The following JADE3 variants were observed in gnomAD, a reference collection of about 807,000 sequenced individuals.
JADE3 encodes the protein jade family PHD finger 3.
JADE3 carries 2 observed loss-of-function variants against 50.1 expected under a neutral mutation model. The observed-to-expected ratio is 0.04, with a 90% CI of 0.02 to 0.13. The LOEUF is 0.13. Among genes scored for constraint, JADE3 ranks in the 10% least tolerant of loss-of-function variants. The pLI, the probability that JADE3 is intolerant of heterozygous loss-of-function variation, is 1.00. For missense variants in JADE3, 475 were observed against 634.4 expected (o/e 0.75, Z 2.70); for synonymous variants, 218 against 232.9 (o/e 0.94, Z 0.58).
chrX:46,923,389 CTCTCTTTTTT>C (rs1386110444), intron 1 of JADE3, among the ~76,000 whole-genome samples: 6 of 24,188 alleles, frequency 2.5e-4, no homozygotes, highest in African/African-American at 4.8e-4. Context: ...CTCTCTCTCT[CTCTCTTTTTT>C]TTTTTTTTTT....
intron 3 of JADE3, among the ~76,000 whole-genome samples, chrX:46,997,415 G>A (rs782742961): frequency 6.3e-5 from 7 of 111,840 alleles, no homozygotes; most frequent in Non-Finnish European, 1.1e-4. Context: ...CTACTCAGGA[G>A]GCTGAGGTGG....
intron 1 of JADE3, among the ~76,000 whole-genome samples, chrX:46,940,752 C>G (rs782712288): frequency 2.7e-5 from 3 of 110,730 alleles, no homozygotes; most frequent in African/African-American, 9.8e-5. Context: ...GCCTGTTGTT[C>G]CCAACCTCTT....
chrX:46,944,886 C>T (rs1184718251), intron 1 of JADE3, among the ~76,000 whole-genome samples: 1 of 110,254 alleles, frequency 9.1e-6, no homozygotes, highest in Non-Finnish European at 1.9e-5. Flanking sequence ...CTCTGTCAGC[C>T]AGGTTGGAGT....
intron 5 of JADE3, 65 bp downstream of exon 5, chrX:47,024,979 C>A (rs1928878289): frequency 3.6e-6 from 2 of 556,092 alleles, no homozygotes; most frequent in South Asian, 5.0e-5. Context: ...TTATCAGAAC[C>A]CTTTAGCTTG....
At chrX:46,928,607 A>G (rs932141620) in intron 1 of JADE3, among the ~76,000 whole-genome samples, 1 of 112,108 alleles carries the variant, frequency 8.9e-6, no homozygotes, top group Non-Finnish European at 1.9e-5. Context: ...TCTTAAAGAC[A>G]GGATTTCACT....
Position 47,058,284 on chromosome X carries a change from C to G in JADE3, c.1679C>G (p.Thr560Ser). 4 of 1,210,993 alleles carry G rather than the reference C, an allele frequency of 3.3e-6. No homozygotes were observed. Among genetic ancestry groups the G allele is most frequent in the Non-Finnish European group, 4.5e-6 (4 of 895,292 alleles). ...GACCACAGAAACAGCTCCACAGAAA[C>G]CGATCAGCAGCCCCACTCTCCTGAC... ...PEDHRNSSTE[T>S]DQQPHSPDSS... Residue 560 changes from threonine to serine, a missense_variant, in exon 11 of 11, where the codon ACC becomes AGC. Thr to Ser is a moderately conservative substitution (Grantham distance 58). Around this residue, in one of 6 missense-constraint regions of JADE3, gnomAD observed 243 missense variants for 238.2 expected, o/e 1.02. Transcript: ENST00000614628.
intron 1 of JADE3, among the ~76,000 whole-genome samples, chrX:46,969,847 G>A (rs1376154648): frequency 1.8e-5 from 2 of 111,763 alleles, no homozygotes; most frequent in African/African-American, 3.3e-5. Flanking sequence ...AAAACTTGTG[G>A]GGCGTAACTT....
rs1002030214 is a variant in JADE3 at position 47,058,173 on chromosome X, C to T, written c.1568C>T (p.Pro523Leu). 2 of 1,201,274 alleles carry T rather than the reference C, an allele frequency of 1.7e-6. No homozygotes were observed. Among genetic ancestry groups the T allele is most frequent in the Admixed American group, 2.3e-5 (1 of 43,936 alleles). The change falls in exon 11 of 11, where the codon CCT (proline) becomes CTT (leucine). Residue 523 changes from proline (P) to leucine (L), a missense_variant. Physicochemically the swap from Pro to Leu is moderately conservative, Grantham distance 98. Transcript: ENST00000614628. ...TCTTTCTTTTTTATCTCAGGGCTTC[C>T]TTTGACAAATGCACTTGAAAACTCA... ...LLNQEIDAGLPLTNALENSLF... is the reference protein window; with the variant it reads ...LLNQEIDAGLLLTNALENSLF...
intron 7 of JADE3, among the ~76,000 whole-genome samples, chrX:47,037,112 A>AAC (rs1488689940): frequency 3.7e-5 from 4 of 109,540 alleles, no homozygotes; most frequent in Non-Finnish European, 3.8e-5. Context: ...AGTATAATAA[A>AAC]AAAAAAAAGG....
intron 1 of JADE3, among the ~76,000 whole-genome samples, chrX:46,975,345 T>C (rs1556351349): frequency 3.6e-5 from 4 of 112,265 alleles, no homozygotes. Context: ...CCTATATGTT[T>C]ACTCTAAAAC....
At chrX:47,051,861 C>T (rs1039462947) in intron 8 of JADE3, among the ~76,000 whole-genome samples, 8 of 106,922 alleles carry the variant, frequency 7.5e-5, no homozygotes, top group African/African-American at 1.4e-4. Context: ...TTTGGGAGGC[C>T]GAGGTGGGCA....
intron 8 of JADE3, among the ~76,000 whole-genome samples, chrX:47,043,818 CAAA>C (rs782062343): frequency 6.1e-5 from 3 of 48,839 alleles, no homozygotes; most frequent in Non-Finnish European, 7.9e-5. Context: ...GACTCTGTTT[CAAA>C]AAAAAAAAAA....
At chrX:46,972,605 G>GT (rs1927523560) in intron 1 of JADE3, among the ~76,000 whole-genome samples, 3 of 106,645 alleles carry the variant, frequency 2.8e-5, no homozygotes, top group East Asian at 3.1e-4. Context: ...TAGTCTTTCT[G>GT]TTTTTTTCTT....
chrX:47,049,328 A>G (rs1929450059), intron 8 of JADE3, among the ~76,000 whole-genome samples: 1 of 107,205 alleles, frequency 9.3e-6, no homozygotes, highest in South Asian at 4.1e-4. Flanking sequence ...CTGGGATTAC[A>G]GGTGCCCGCC....
At chrX:46,923,723 G>A (rs974546146) in intron 1 of JADE3, among the ~76,000 whole-genome samples, 10 of 110,587 alleles carry the variant, frequency 9.0e-5, no homozygotes, top group Non-Finnish European at 1.7e-4. Context: ...CCAGGCACCA[G>A]AGATTTCTGA....
At chrX:47,051,475 A>G (rs1481797925) in intron 8 of JADE3, among the ~76,000 whole-genome samples, 1 of 112,129 alleles carries the variant, frequency 8.9e-6, no homozygotes, top group Admixed American at 9.5e-5. Flanking sequence ...CTACATAAAC[A>G]CATAGATGCA....
intron 4 of JADE3, among the ~76,000 whole-genome samples, chrX:47,012,133 A>G (rs1556361815): frequency 8.9e-6 from 1 of 111,907 alleles, no homozygotes; most frequent in East Asian, 2.8e-4. Flanking sequence ...CCTTAACTCA[A>G]TTTTTTTAAA....
intron 1 of JADE3, among the ~76,000 whole-genome samples, chrX:46,979,872 G>GTT (rs1927704553): frequency 1.1e-5 from 1 of 91,046 alleles, no homozygotes; most frequent in Non-Finnish European, 2.1e-5. Context: ...AATGTCTGCT[G>GTT]ATTTTTTTTT....
chrX:46,931,434 T>A (rs1556339865), intron 1 of JADE3, among the ~76,000 whole-genome samples: 2 of 110,894 alleles, frequency 1.8e-5, no homozygotes, highest in Non-Finnish European at 1.9e-5. Context: ...TTTTTTTTTT[T>A]ATTTGAGACA....
Sources: allele counts gnomAD v4.1 joint callset (sites outside exome capture counted in the v4.1 genomes callset), GRCh38; gene constraint gnomAD v4.1.1; regional missense constraint gnomAD v4.1.1; transcripts MANE v1.5; gene names NCBI Gene and HGNC (gene_info 2026-07-23, HGNC 2026-07-21).